The following RABGAP1 variants were observed in gnomAD, a reference collection of about 807,000 sequenced individuals.
RABGAP1 encodes the protein RAB GTPase activating protein 1.
Under a neutral mutation model 137.6 loss-of-function variants are expected in RABGAP1, and 23 were observed. The ratio of observed to expected loss-of-function variants is 0.17; its 90% CI spans 0.12 to 0.24. The LOEUF is 0.24. Ranked by LOEUF, RABGAP1 falls within the 10% of genes least tolerant of loss-of-function variation. The pLI is 1.00. For synonymous variants in RABGAP1, 451 were observed against 450.7 expected, an observed-to-expected ratio of 1.00 and a Z score of -0.01; for missense variants, 906 against 1,275.8, an observed-to-expected ratio of 0.71 and a Z score of 4.42.
rs1398790011 is a variant in RABGAP1, at chr9:122,953,927, A to C, written c.-49-3084A>C. On this transcript the variant is annotated intron_variant, in intron 1 of 25. Transcript: ENST00000373647. Reference sequence around the variant, plus strand: ...TACAGGTGCTAGGGGTCCAACACTTAATCAGACATAAAAAAGCCTGCCCTC... The same window carrying C: ...TACAGGTGCTAGGGGTCCAACACTTCATCAGACATAAAAAAGCCTGCCCTC... Among the ~76,000 whole-genome samples the C allele has an allele frequency of 2.6e-5, 4 of 152,210 alleles. No homozygotes were observed. In the East Asian group the frequency reaches 7.7e-4, roughly 29 times the overall value.
At chr9:123,083,953 C>G (rs918175205) in intron 19 of RABGAP1, among the ~76,000 whole-genome samples, 2 of 152,188 alleles carry the variant, frequency 1.3e-5, no homozygotes, top group Admixed American at 6.5e-5. Context: ...GTGTTCAGCA[C>G]TGAGCAGGCC....
chr9:122,971,365 A>C (rs1421561635), intron 2 of RABGAP1, among the ~76,000 whole-genome samples: 1 of 152,148 alleles, frequency 6.6e-6, no homozygotes, highest in East Asian at 1.9e-4. Flanking sequence ...CTCTGGAAGA[A>C]CATACTTGCC....
At chr9:123,040,305 T>G (rs1232032550) in intron 13 of RABGAP1, among the ~76,000 whole-genome samples, 3 of 152,212 alleles carry the variant, frequency 2.0e-5, no homozygotes, top group African/African-American at 7.2e-5. Flanking sequence ...TTTATTAGTT[T>G]AAGAAGTAGA....
At chr9:122,963,774 A>G (rs898985390) in intron 2 of RABGAP1, among the ~76,000 whole-genome samples, 4 of 152,092 alleles carry the variant, frequency 2.6e-5, no homozygotes, top group South Asian at 2.1e-4. Context: ...ACAGAAATTA[A>G]TGGAACAGAA....
At chr9:122,947,564 ATTTG>A (rs1294820613) in intron 1 of RABGAP1, among the ~76,000 whole-genome samples, 5 of 152,212 alleles carry the variant, frequency 3.3e-5, no homozygotes, top group African/African-American at 7.2e-5. Flanking sequence ...AATTTCCTGT[ATTTG>A]TTTAATTCCG....
chr9:123,072,519 T>C (rs530606401), intron 15 of RABGAP1, among the ~76,000 whole-genome samples: 1 of 152,200 alleles, frequency 6.6e-6, no homozygotes, highest in Non-Finnish European at 1.5e-5. Flanking sequence ...TTTTGAACTC[T>C]TGCTGCTTGC....
intron 1 of RABGAP1, among the ~76,000 whole-genome samples, chr9:122,955,805 A>G (rs1218883089): frequency 6.6e-6 from 1 of 152,216 alleles, no homozygotes; most frequent in Non-Finnish European, 1.5e-5. Context: ...TATATAGTCA[A>G]TGATTAAAAA....
At chr9:123,034,130 G>C (rs1410755855) in intron 13 of RABGAP1, 3 of 173,600 alleles carry the variant, frequency 1.7e-5, no homozygotes, top group African/African-American at 7.2e-5. Flanking sequence ...TTAGGGCATT[G>C]GATGTGAAAT....
chr9:123,021,687 A>G (rs770139707), intron 13 of RABGAP1, among the ~76,000 whole-genome samples: 2 of 152,212 alleles, frequency 1.3e-5, no homozygotes, highest in Non-Finnish European at 1.5e-5. Flanking sequence ...TCTTCAGAAT[A>G]TTAATGTTCT....
chr9:122,951,653 C>T (rs546815621), intron 1 of RABGAP1, among the ~76,000 whole-genome samples: 2 of 151,924 alleles, frequency 1.3e-5, no homozygotes, highest in Admixed American at 6.6e-5. Flanking sequence ...TCACTGCAGC[C>T]TAGAACCCCT....
intron 1 of RABGAP1, among the ~76,000 whole-genome samples, chr9:122,944,778 T>C (rs1833846120): frequency 6.6e-6 from 1 of 151,954 alleles, no homozygotes; most frequent in Admixed American, 6.6e-5. Context: ...GTTTTCACTA[T>C]GTTGGCCAGG....
intron 12 of RABGAP1, among the ~76,000 whole-genome samples, chr9:123,019,977 C>G (rs1416131052): frequency 6.6e-6 from 1 of 152,092 alleles, no homozygotes; most frequent in Admixed American, 6.5e-5. Flanking sequence ...AGCCACCGCG[C>G]CCGGCCATCT....
chr9:122,989,063 C>T (rs1836522231), intron 4 of RABGAP1, among the ~76,000 whole-genome samples: 1 of 148,254 alleles, frequency 6.7e-6, no homozygotes, highest in South Asian at 2.1e-4. Flanking sequence ...TTGTTTATAC[C>T]TTTCTGTTTG....
intron 2 of RABGAP1, among the ~76,000 whole-genome samples, chr9:122,968,028 T>C (rs975577394): frequency 6.6e-6 from 1 of 151,980 alleles, no homozygotes; most frequent in Non-Finnish European, 1.5e-5. Flanking sequence ...ATGCCCTGCC[T>C]TTTTTCTTAA....
At chr9:123,057,339 G>A (rs1413075832) in intron 13 of RABGAP1, among the ~76,000 whole-genome samples, 1 of 151,580 alleles carries the variant, frequency 6.6e-6, no homozygotes, top group Non-Finnish European at 1.5e-5. Context: ...TCTCAGACGG[G>A]GCGGCCGGGC....
intron 13 of RABGAP1, among the ~76,000 whole-genome samples, chr9:123,064,623 G>T (rs1046725141): frequency 6.6e-6 from 1 of 152,194 alleles, no homozygotes; most frequent in African/African-American, 2.4e-5. Flanking sequence ...CTGTGTTCCA[G>T]TTCTTTACTG....
chr9:123,041,702 C>T (rs2032960382), intron 13 of RABGAP1, among the ~76,000 whole-genome samples: 1 of 152,178 alleles, frequency 6.6e-6, no homozygotes, highest in Non-Finnish European at 1.5e-5. Flanking sequence ...GTAACTGACT[C>T]AGCGGAATCA....
At chr9:122,965,815 A>G (rs893869035) in intron 2 of RABGAP1, among the ~76,000 whole-genome samples, 8 of 152,248 alleles carry the variant, frequency 5.3e-5, no homozygotes, top group Middle Eastern at 3.2e-3. Context: ...TTATATCTCA[A>G]TAAGTCTTTT....
intron 13 of RABGAP1, among the ~76,000 whole-genome samples, chr9:123,050,578 T>A (rs1380583277): frequency 6.6e-6 from 1 of 152,238 alleles, no homozygotes; most frequent in Non-Finnish European, 1.5e-5. Context: ...TCTTCAGAGC[T>A]AAATTAAGAT....
Sources: allele counts gnomAD v4.1 joint callset (sites outside exome capture counted in the v4.1 genomes callset), GRCh38; gene constraint gnomAD v4.1.1; transcripts MANE v1.5; gene names NCBI Gene and HGNC (gene_info 2026-07-23, HGNC 2026-07-21).